FAM163B: variants seen among roughly 807,000 people sequenced by gnomAD.
The protein encoded by FAM163B is family with sequence similarity 163 member B, also known as protein FAM163B.
A neutral mutation model predicts 7.6 loss-of-function variants in FAM163B; 4 were observed. The observed-to-expected ratio is 0.52, with a 90% CI of 0.26 to 1.20. FAM163B has a LOEUF of 1.20. FAM163B is among the 50% of genes most tolerant of loss of function. The probability of loss-of-function intolerance (pLI) is 0.14; values close to 1 mark genes in which losing one functional copy is unlikely to be tolerated. For synonymous variants in FAM163B, 120 were observed against 111.6 expected, an observed-to-expected ratio of 1.07 and a Z score of -0.47; for missense variants, 250 against 243.0, an observed-to-expected ratio of 1.03 and a Z score of -0.19.
At chr9:133,584,069 G>A (rs1006076124) in intron 1 of FAM163B, among the ~76,000 whole-genome samples, 8 of 143,534 alleles carry the variant, frequency 5.6e-5, no homozygotes, top group Non-Finnish European at 1.1e-4. Flanking sequence ...GACCTACCAC[G>A]CCATCAAAGC....
chr9:133,590,866 T>C (rs1831542643), intron 1 of FAM163B, among the ~76,000 whole-genome samples: 1 of 152,184 alleles, frequency 6.6e-6, no homozygotes. Flanking sequence ...GGTCAGGACA[T>C]GGGACACATG....
At chr9:133,580,022 C>T (rs1243563494) in intron 2 of FAM163B, 109 bp downstream of exon 2, 1 of 891,656 alleles carries the variant, frequency 1.1e-6, no homozygotes, top group Non-Finnish European at 1.8e-6. Context: ...GGGCTCTTCC[C>T]CACTTCCCGG....
rs951543434 is a variant in FAM163B at position 133,609,252 on chromosome 9, C to G, written c.-199G>C. Among the ~76,000 whole-genome samples the G allele has an allele frequency of 2.3e-4, 35 of 150,966 alleles. No homozygotes were observed. Among genetic ancestry groups the G allele is most frequent in the African/African-American group, 8.0e-4 (33 of 41,434 alleles). On this transcript the variant is annotated 5_prime_UTR_variant, in exon 1 of 3. Transcript: ENST00000673969. ...GGCGGGCGCTGAGAAGCCCGGGAGG[C>G]CCCCGGGGAGGCGACTGCGTGCCCA...
rs1229466360 is a variant in FAM163B, at chr9:133,606,614, G to T, written c.-24+2463C>A. Among the ~76,000 whole-genome samples the T allele has an allele frequency of 6.6e-6, 1 of 152,212 alleles. No homozygotes were observed. Among genetic ancestry groups the T allele is most frequent in the East Asian group, 1.9e-4 (1 of 5,202 alleles). ...GGGGATGCGGAATGATGCACCCGTG[G>T]TCTGGCCTGGAAACCACTCTCTCTG... is the stretch of plus-strand genomic sequence containing the variant. On this transcript the variant is annotated intron_variant, in intron 1 of 2. Transcript: ENST00000673969. The surrounding 1 kb of genome is among the most constrained non-coding windows in gnomAD (Gnocchi z 4.0).
rs1831697302 is a variant in FAM163B, at chr9:133,600,094, T to C, written c.-24+8983A>G. Among the ~76,000 whole-genome samples the C allele has an allele frequency of 6.6e-6, 1 of 151,150 alleles. No individual in the cohort carries two copies. The highest frequency in any genetic ancestry group is 2.1e-4 in the South Asian group (1 of 4,796). Reference sequence around the variant, plus strand: ...ATGTGTGTGTGTCTGTGTGCATGTGTGCCTCTGAATGTGTGTGGTCTATGT... The same window carrying C: ...ATGTGTGTGTGTCTGTGTGCATGTGCGCCTCTGAATGTGTGTGGTCTATGT... On this transcript the variant is annotated intron_variant, in intron 1 of 2. Transcript: ENST00000673969. The surrounding 1 kb of genome is among the most constrained non-coding windows in gnomAD (Gnocchi z 4.9).
chr9:133,588,251 G>A (rs1831471259), intron 1 of FAM163B, among the ~76,000 whole-genome samples: 1 of 152,210 alleles, frequency 6.6e-6, no homozygotes, highest in Non-Finnish European at 1.5e-5. Context: ...CACTGGCCCT[G>A]TCTGGGGCAG....
intron 1 of FAM163B, among the ~76,000 whole-genome samples, chr9:133,588,625 C>G (rs79191681): frequency 0.14 from 3,326 of 22,952 alleles, 108 homozygotes; most frequent in East Asian, 0.37. Context: ...AAGGATCTAG[C>G]ATGTTGAGGG....
At chr9:133,587,197 AC>A (rs1213717872) in intron 1 of FAM163B, among the ~76,000 whole-genome samples, 1 of 152,142 alleles carries the variant, frequency 6.6e-6, no homozygotes, top group Non-Finnish European at 1.5e-5. Flanking sequence ...CACTCTCAAG[AC>A]CAGTTTCAGC....
rs7022799 is a variant in FAM163B, at chr9:133,606,283, G to C, written c.-24+2794C>G. Among the ~76,000 whole-genome samples, 3 of 152,216 alleles carry C rather than the reference G, an allele frequency of 2.0e-5. No homozygotes were observed. Among genetic ancestry groups the C allele is most frequent in the Non-Finnish European group, 1.5e-5 (1 of 68,032 alleles). The stretch of plus-strand genomic sequence containing the variant: ...CCCTCTCCAGCAACCCCCAGCAAGC[G>C]GGGATTGGGCCAAGGCCTGCGGGAG... On this transcript the variant is annotated intron_variant, in intron 1 of 2. Coordinates refer to ENST00000673969, the MANE Select transcript of FAM163B (RefSeq NM_001080515.3). This position sits in a 1 kb window ranked among gnomAD's most constrained non-coding sequence, Gnocchi z 4.0.
Position 133,609,254 on chromosome 9 carries a change from C to G in FAM163B, c.-201G>C. Among the ~76,000 whole-genome samples the G allele has an allele frequency of 6.6e-6, 1 of 150,790 alleles. No individual in the cohort carries two copies. Among genetic ancestry groups the G allele is most frequent in the Non-Finnish European group, 1.5e-5 (1 of 67,510 alleles). On this transcript the variant is annotated 5_prime_UTR_variant, in exon 1 of 3. Transcript: ENST00000673969. ...CGGGCGCTGAGAAGCCCGGGAGGCCCCCGGGGAGGCGACTGCGTGCCCAGG... is the reference window on the plus strand; with the variant it reads ...CGGGCGCTGAGAAGCCCGGGAGGCCGCCGGGGAGGCGACTGCGTGCCCAGG...
chr9:133,581,137 G>A (rs1263300700), intron 1 of FAM163B, among the ~76,000 whole-genome samples: 3 of 152,200 alleles, frequency 2.0e-5, no homozygotes, highest in Non-Finnish European at 4.4e-5. Context: ...TGCTGTCAGT[G>A]GCTGCTGCAT....
At position 133,578,861 on chromosome 9, in the gene FAM163B, C is replaced by T. The variant is rs781233132; in HGVS notation, c.*161G>A. The T allele has an allele frequency of 2.7e-5, 37 of 1,349,170 alleles. No homozygotes were observed. The highest frequency in any genetic ancestry group is 2.5e-4 in the East Asian group (10 of 39,282). The allele number at this position is 1,349,170 out of a possible 1,614,324, so 83.6% of individuals were successfully genotyped here. A position where few individuals can be genotyped will look rare whatever the true frequency, so the allele number is the denominator to read the frequency against. Reference sequence around the variant, plus strand: ...TGTTCAATGAGCCTTATCCCTGCCACGAGCCTGGGGGCTCCCCAAGCCTGG... The same window carrying T: ...TGTTCAATGAGCCTTATCCCTGCCATGAGCCTGGGGGCTCCCCAAGCCTGG... On this transcript the variant is annotated 3_prime_UTR_variant, in exon 3 of 3. Transcript: ENST00000673969.
chr9:133,587,907 G>A (rs1044857273), intron 1 of FAM163B, among the ~76,000 whole-genome samples: 1 of 151,722 alleles, frequency 6.6e-6, no homozygotes, highest in Non-Finnish European at 1.5e-5. Context: ...GGGAGCCCCT[G>A]GAGCAGATAG....
intron 1 of FAM163B, among the ~76,000 whole-genome samples, chr9:133,591,190 C>A (rs2131242292): frequency 6.6e-6 from 1 of 152,358 alleles, no homozygotes; most frequent in Non-Finnish European, 1.5e-5. Context: ...GGGGCCAGGG[C>A]AGCCTCTTCC....
intron 1 of FAM163B, among the ~76,000 whole-genome samples, chr9:133,580,840 T>A (rs1831345765): frequency 6.6e-6 from 1 of 152,258 alleles, no homozygotes; most frequent in Non-Finnish European, 1.5e-5. Flanking sequence ...CTTAGTAGCA[T>A]GAATTATATT....
rs1012500072 is a variant in FAM163B, at chr9:133,606,303, C to T, written c.-24+2774G>A. ...CAAGCGGGGATTGGGCCAAGGCCTG[C>T]GGGAGGATTCAGCAACGGAGGGAGG... On this transcript the variant is annotated intron_variant, in intron 1 of 2. Coordinates refer to ENST00000673969, the MANE Select transcript of FAM163B (RefSeq NM_001080515.3). The surrounding 1 kb of genome is among the most constrained non-coding windows in gnomAD (Gnocchi z 4.0). 1.2e-4 allele frequency among the ~76,000 whole-genome samples: 19 copies of T among 152,294 alleles called. No homozygotes were observed. The highest frequency in any genetic ancestry group is 3.4e-3 in the Middle Eastern group (1 of 294).
At chr9:133,596,251 G>T (rs917255358) in intron 1 of FAM163B, among the ~76,000 whole-genome samples, 12 of 152,164 alleles carry the variant, frequency 7.9e-5, no homozygotes, top group African/African-American at 2.9e-4. Flanking sequence ...GCTGTGCGGG[G>T]AGCCCCCGAG....
intron 1 of FAM163B, among the ~76,000 whole-genome samples, chr9:133,580,756 C>G (rs1413706675): frequency 6.6e-6 from 1 of 152,192 alleles, no homozygotes; most frequent in Non-Finnish European, 1.5e-5. Flanking sequence ...GTAACTGACT[C>G]CTTTTCTTTA....
intron 1 of FAM163B, among the ~76,000 whole-genome samples, chr9:133,607,694 C>CCAGG (rs1831806714): frequency 6.6e-6 from 1 of 152,220 alleles, no homozygotes; most frequent in African/African-American, 2.4e-5. Context: ...CCAGCTGGAT[C>CCAGG]CAGGATACAA....
Sources: gnomAD v4.1 joint callset for allele counts (sites outside exome capture counted in the v4.1 genomes callset) on GRCh38, gnomAD v4.1.1 for gene constraint, Gnocchi (gnomAD v3.1) non-coding constraint, MANE v1.5 for transcripts, NCBI Gene and HGNC (gene_info 2026-07-23, HGNC 2026-07-21) for gene names.